The following SGMS1 variants were observed in gnomAD, a reference collection of about 807,000 sequenced individuals.
The protein encoded by SGMS1 is sphingomyelin synthase 1.
Under a neutral mutation model 46.2 loss-of-function variants are expected in SGMS1, and 13 were observed. The observed-to-expected ratio is 0.28, with a 90% CI of 0.18 to 0.45. SGMS1 has a LOEUF of 0.45. SGMS1 is among the 20% of genes least tolerant of loss of function. The pLI is 1.00. For synonymous variants in SGMS1, 203 were observed against 187.8 expected, an observed-to-expected ratio of 1.08 and a Z score of -0.66; for missense variants, 324 against 519.9, an observed-to-expected ratio of 0.62 and a Z score of 3.66.
At position 50,365,507 on chromosome 10, in the gene SGMS1, C is replaced by T. The variant is rs117680922; in HGVS notation, c.-231-21162G>A. ...AGTATACATGTGCCATGGTGGTCTG[C>T]GGTACCTATTAACCCATCATCTAGG... On this transcript the variant is annotated intron_variant, in intron 6 of 10. Transcript: ENST00000361781. Among the ~76,000 whole-genome samples the T allele has an allele frequency of 5.3e-5, 8 of 152,126 alleles. No homozygotes were observed. In the East Asian group the frequency reaches 5.8e-4, roughly 11 times the overall value.
At chr10:50,527,141 C>T (rs1837911257) in intron 2 of SGMS1, among the ~76,000 whole-genome samples, 1 of 151,116 alleles carries the variant, frequency 6.6e-6, no homozygotes, top group Admixed American at 6.6e-5. Flanking sequence ...TGCAGCTCAT[C>T]CACAGCCATC....
At chr10:50,482,333 C>T (rs1235917553) in intron 3 of SGMS1, among the ~76,000 whole-genome samples, 1 of 152,168 alleles carries the variant, frequency 6.6e-6, no homozygotes, top group African/African-American at 2.4e-5. Context: ...TCAGTGGAAA[C>T]CCTACAAGCC....
chr10:50,341,752 T>C (rs948152610), intron 7 of SGMS1, among the ~76,000 whole-genome samples: 1 of 152,138 alleles, frequency 6.6e-6, no homozygotes, highest in African/African-American at 2.4e-5. Context: ...AATTTAAATA[T>C]ATAAATGACT....
upstream of SGMS1, chr10:50,624,015 G>C: frequency 1.1e-5 from 11 of 985,480 alleles, no homozygotes; most frequent in Non-Finnish European, 1.3e-5. Context: ...ACGCGACTCC[G>C]CTCCTCCGGG....
chr10:50,574,937 T>C (rs569811687), intron 2 of SGMS1, among the ~76,000 whole-genome samples: 1 of 94,254 alleles, frequency 1.1e-5, no homozygotes, highest in Non-Finnish European at 2.6e-5. Flanking sequence ...ATTAAAAGAA[T>C]AAACATTTTA....
intron 1 of SGMS1, among the ~76,000 whole-genome samples, chr10:50,603,135 A>G (rs1012882910): frequency 2.0e-5 from 3 of 152,238 alleles, no homozygotes; most frequent in Non-Finnish European, 4.4e-5. Context: ...AGGAAGCCCT[A>G]ATAATAACCA....
intron 6 of SGMS1, among the ~76,000 whole-genome samples, chr10:50,352,343 G>A (rs961855119): frequency 6.6e-6 from 1 of 151,868 alleles, no homozygotes. Flanking sequence ...TCTAGACCCA[G>A]AAGACTGTAT....
chr10:50,413,728 TGA>T (rs1290565602), intron 6 of SGMS1, among the ~76,000 whole-genome samples: 1 of 152,182 alleles, frequency 6.6e-6, no homozygotes, highest in African/African-American at 2.4e-5. Flanking sequence ...AGAGAACCAT[TGA>T]GTTAAGCTAA....
At chr10:50,614,743 C>T (rs953807779) in intron 1 of SGMS1, among the ~76,000 whole-genome samples, 2 of 152,238 alleles carry the variant, frequency 1.3e-5, no homozygotes, top group East Asian at 1.9e-4. Context: ...TGTATTACAA[C>T]GCTTTATGTA....
intron 3 of SGMS1, among the ~76,000 whole-genome samples, chr10:50,488,028 T>TTGATTGATTGATTG (rs1564926600): frequency 1.5e-5 from 2 of 137,332 alleles, no homozygotes; most frequent in African/African-American, 5.2e-5. Flanking sequence ...TTTATTTATT[T>TTGATTGATTGATTG]ATTGAGACTG....
upstream of SGMS1, chr10:50,624,624 G>C (rs984487949): frequency 2.0e-6 from 2 of 985,186 alleles, no homozygotes; most frequent in African/African-American, 3.5e-5. Flanking sequence ...CCGCCCCTCC[G>C]AGCTGCGGCG....
At chr10:50,526,905 A>G (rs2133797412) in intron 2 of SGMS1, among the ~76,000 whole-genome samples, 1 of 151,990 alleles carries the variant, frequency 6.6e-6, no homozygotes, top group Non-Finnish European at 1.5e-5. Context: ...TCTCTACTAA[A>G]AATACAAAAA....
intron 5 of SGMS1, among the ~76,000 whole-genome samples, chr10:50,439,090 C>G (rs1269292129): frequency 5.3e-5 from 8 of 152,030 alleles, no homozygotes; most frequent in Admixed American, 5.2e-4. Context: ...AAAACATGTT[C>G]CAAGAGACAT....
intron 1 of SGMS1, among the ~76,000 whole-genome samples, chr10:50,613,940 A>G (rs1588893231): frequency 6.6e-6 from 1 of 152,182 alleles, no homozygotes; most frequent in East Asian, 1.9e-4. Context: ...CAGCTGGAGG[A>G]AAGCTGTACA....
chr10:50,568,945 A>G (rs1034513604), intron 2 of SGMS1, among the ~76,000 whole-genome samples: 9 of 152,238 alleles, frequency 5.9e-5, no homozygotes, highest in African/African-American at 2.2e-4. Context: ...TGGCACATAT[A>G]CACCATGGAA....
chr10:50,574,963 G>GTATGTATATATATATATATATATATATA lies in SGMS1; in HGVS notation c.-589+15189_-589+15190insTATATATATATATATATATATATACATA, dbSNP rs1554793450. 2.2e-4 allele frequency among the ~76,000 whole-genome samples: 22 copies of GTATGTATATATATATATATATATATATA among 99,872 alleles called. 1 individual carries two copies. Among genetic ancestry groups the GTATGTATATATATATATATATATATATA allele is most frequent in the Admixed American group, 3.5e-4 (3 of 8,492 alleles). The allele number at this position is 99,872 out of a possible 152,430, so 65.5% of individuals were successfully genotyped here. On this transcript the variant is annotated intron_variant, in intron 2 of 10. Transcript: ENST00000361781. ...AAACATTTTAAAAGGAAAATGTGGT[G>GTATGTATATATATATATATATATATATA]TATATATATATATATATATATAAAA...
chr10:50,393,351 G>T (rs1301329287), intron 6 of SGMS1, among the ~76,000 whole-genome samples: 1 of 152,140 alleles, frequency 6.6e-6, no homozygotes, highest in Non-Finnish European at 1.5e-5. Flanking sequence ...CAGGAGAAGA[G>T]AAAGGAAAGG....
chr10:50,501,804 T>C (rs1289486467), intron 3 of SGMS1, among the ~76,000 whole-genome samples: 1 of 152,188 alleles, frequency 6.6e-6, no homozygotes, highest in Non-Finnish European at 1.5e-5. Context: ...GGTAAGATGT[T>C]AAAATTCATG....
chr10:50,559,779 ACAT>A (rs760292069), intron 2 of SGMS1, among the ~76,000 whole-genome samples: 6 of 152,302 alleles, frequency 3.9e-5, no homozygotes, highest in Non-Finnish European at 5.9e-5. Context: ...ACAAAAATAT[ACAT>A]CATTGATGTC....
Sources: allele counts gnomAD v4.1 joint callset (sites outside exome capture counted in the v4.1 genomes callset), GRCh38; gene constraint gnomAD v4.1.1; transcripts MANE v1.5; gene names NCBI Gene and HGNC (gene_info 2026-07-23, HGNC 2026-07-21).